The following EPHB1 variants were observed in gnomAD, a reference collection of about 807,000 sequenced individuals.
EPHB1 encodes ephrin type-B receptor 1.
EPHB1 carries 30 observed loss-of-function variants against 94.4 expected under a neutral mutation model. That is an observed-to-expected ratio of 0.32 (90% CI 0.24 to 0.43). The LOEUF is 0.43. Ranked by LOEUF, EPHB1 falls within the 20% of genes least tolerant of loss-of-function variation. The probability of loss-of-function intolerance (pLI) is 1.00; values close to 1 mark genes in which losing one functional copy is unlikely to be tolerated. For synonymous variants in EPHB1, 522 were observed against 489.1 expected (o/e 1.07, Z -0.89); for missense variants, 1,055 against 1,308.3 (o/e 0.81, Z 2.99).
chr3:135,259,498 AT>A lies in EPHB1; in HGVS notation c.*382del. The A allele has an allele frequency of 4.6e-6, 1 of 216,130 alleles. No individual in the cohort carries two copies. Among genetic ancestry groups the A allele is most frequent in the Non-Finnish European group, 9.3e-6 (1 of 107,268 alleles). 13.4% of individuals were successfully genotyped at this position (216,130 alleles called of 1,614,324 possible). ...AGGGAAGAAACAGAAGCAGTGTTCC[AT>A]TTTCTTCCTCACCAATGACATTCTT... On this transcript the variant is annotated 3_prime_UTR_variant, in exon 16 of 16. Transcript: ENST00000398015.
intron 9 of EPHB1, among the ~76,000 whole-genome samples, chr3:135,169,984 G>T (rs781099941): frequency 1.3e-5 from 2 of 152,216 alleles, no homozygotes; most frequent in Non-Finnish European, 2.9e-5. Flanking sequence ...GATTGATAAT[G>T]TCTGATCCGA....
intron 3 of EPHB1, among the ~76,000 whole-genome samples, chr3:134,959,966 CTTTTT>C (rs61369813): frequency 2.3e-4 from 25 of 107,392 alleles, no homozygotes; most frequent in Admixed American, 6.2e-4. Context: ...ACATCTGCAC[CTTTTT>C]TTTTTTTTTT....
intron 5 of EPHB1, among the ~76,000 whole-genome samples, chr3:135,147,279 G>A (rs1280842560): frequency 6.6e-6 from 1 of 152,184 alleles, no homozygotes; most frequent in Non-Finnish European, 1.5e-5. Flanking sequence ...GCTGGGAAAC[G>A]CTGTTCTAGA....
chr3:135,080,675 A>C (rs1372316987), intron 3 of EPHB1, among the ~76,000 whole-genome samples: 3 of 152,112 alleles, frequency 2.0e-5, no homozygotes, highest in Non-Finnish European at 4.4e-5. Context: ...GGTGGAAGTC[A>C]TGGCAGGAAG....
intron 3 of EPHB1, among the ~76,000 whole-genome samples, chr3:134,955,071 C>CTTTTTTTTTTTTTTTTTTTTTTTT (rs1197013147): frequency 3.6e-4 from 3 of 8,416 alleles, no homozygotes; most frequent in African/African-American, 4.3e-4. Flanking sequence ...GACATCCTTT[C>CTTTTTTTTTTTTTTTTTTTTTTTT]TTTTTTTTTT....
chr3:134,985,815 TG>T (rs1412965189), intron 3 of EPHB1, among the ~76,000 whole-genome samples: 1 of 152,120 alleles, frequency 6.6e-6, no homozygotes, highest in Non-Finnish European at 1.5e-5. Context: ...TAGATTGATT[TG>T]AGAGGTGGTG....
intron 4 of EPHB1, among the ~76,000 whole-genome samples, chr3:135,127,104 G>A (rs1940237415): frequency 1.3e-5 from 2 of 152,206 alleles, no homozygotes; most frequent in African/African-American, 4.8e-5. Flanking sequence ...TAAGGAAACT[G>A]AGACTTAGAA....
At chr3:135,121,262 C>T (rs997057230) in intron 4 of EPHB1, among the ~76,000 whole-genome samples, 2 of 152,230 alleles carry the variant, frequency 1.3e-5, no homozygotes, top group Non-Finnish European at 2.9e-5. Context: ...CCAACCAGAT[C>T]TCCAGATGCA....
chr3:135,168,749 G>A (rs182361996), intron 9 of EPHB1, among the ~76,000 whole-genome samples: 1 of 152,256 alleles, frequency 6.6e-6, no homozygotes, highest in Non-Finnish European at 1.5e-5. Flanking sequence ...CCACTGTAAG[G>A]TCCATTTCAG....
At chr3:135,058,178 TG>T (rs1178978953) in intron 3 of EPHB1, among the ~76,000 whole-genome samples, 2 of 152,220 alleles carry the variant, frequency 1.3e-5, no homozygotes, top group Non-Finnish European at 2.9e-5. Flanking sequence ...CATGAGCTTC[TG>T]GGTTTGGGAT....
intron 4 of EPHB1, among the ~76,000 whole-genome samples, chr3:135,109,803 G>A (rs1282400149): frequency 6.6e-6 from 1 of 152,228 alleles, no homozygotes; most frequent in Non-Finnish European, 1.5e-5. Context: ...GATGAGAGGT[G>A]CCAAGAAGCT....
chr3:135,144,384 G>A (rs1013855835), intron 5 of EPHB1, among the ~76,000 whole-genome samples: 1 of 152,194 alleles, frequency 6.6e-6, no homozygotes, highest in Non-Finnish European at 1.5e-5. Context: ...TGAAAGACTT[G>A]TTAAAACACA....
intron 5 of EPHB1, 24 bp from the exon 6 acceptor site, chr3:135,154,128 C>T (rs1353552293): frequency 6.2e-7 from 1 of 1,613,708 alleles, no homozygotes; most frequent in Admixed American, 1.7e-5. Context: ...TGTTCAGCTA[C>T]CCTGTTTCTT....
At chr3:135,077,512 A>G (rs1344115262) in intron 3 of EPHB1, among the ~76,000 whole-genome samples, 2 of 152,170 alleles carry the variant, frequency 1.3e-5, no homozygotes, top group African/African-American at 4.8e-5. Flanking sequence ...TTTCTAGTGT[A>G]CATCACTGGG....
chr3:134,811,301 C>T (rs1249721504), intron 1 of EPHB1, among the ~76,000 whole-genome samples: 3 of 122,292 alleles, frequency 2.5e-5, no homozygotes, highest in Non-Finnish European at 4.9e-5. Context: ...TGCAATGGTG[C>T]GATCTCAGCT....
chr3:135,214,090 C>T (rs181214639), intron 12 of EPHB1, among the ~76,000 whole-genome samples: 52 of 152,268 alleles, frequency 3.4e-4, no homozygotes, highest in Middle Eastern at 3.4e-3. Flanking sequence ...CTTCCAAGCC[C>T]GCCAGTTCCT....
At chr3:135,178,557 T>TG (rs1414879594) in intron 9 of EPHB1, among the ~76,000 whole-genome samples, 18 of 152,222 alleles carry the variant, frequency 1.2e-4, no homozygotes, top group Non-Finnish European at 2.4e-4. Context: ...TTGCCTGAAT[T>TG]GGTGACCAAG....
chr3:134,813,288 A>G (rs2036210058), intron 1 of EPHB1, among the ~76,000 whole-genome samples: 1 of 152,062 alleles, frequency 6.6e-6, no homozygotes, highest in Non-Finnish European at 1.5e-5. Flanking sequence ...TCCAGTTCCA[A>G]TCTCATCTCC....
chr3:135,017,337 G>A (rs552143074), intron 3 of EPHB1, among the ~76,000 whole-genome samples: 3 of 152,302 alleles, frequency 2.0e-5, no homozygotes, highest in African/African-American at 4.8e-5. Flanking sequence ...TTTCCCAGAG[G>A]GGAAATCAGA....
Sources: gnomAD v4.1 joint callset for allele counts (sites outside exome capture counted in the v4.1 genomes callset) on GRCh38, gnomAD v4.1.1 for gene constraint, MANE v1.5 for transcripts, NCBI Gene and HGNC (gene_info 2026-07-23, HGNC 2026-07-21) for gene names.